The following EHBP1 variants were observed in gnomAD, a reference collection of about 807,000 sequenced individuals.
EHBP1 encodes the protein EH domain-binding protein 1.
In EHBP1, 55 loss-of-function variants were observed where a neutral mutation model predicts 144.0. The ratio of observed to expected loss-of-function variants is 0.38; its 90% CI spans 0.31 to 0.48. EHBP1 has a LOEUF of 0.48. Ranked by LOEUF, EHBP1 falls within the 20% of genes least tolerant of loss-of-function variation. The probability of loss-of-function intolerance (pLI) is 0.98; values close to 1 mark genes in which losing one functional copy is unlikely to be tolerated. For synonymous variants in EHBP1, 469 were observed against 472.7 expected (o/e 0.99, Z 0.10); for missense variants, 1,200 against 1,364.2 (o/e 0.88, Z 1.90).
chr2:62,822,658 A>G (rs1210152740), intron 5 of EHBP1, among the ~76,000 whole-genome samples: 1 of 152,190 alleles, frequency 6.6e-6, no homozygotes. Flanking sequence ...AAGTGGCTGT[A>G]TCAGTTGAAA....
intron 5 of EHBP1, among the ~76,000 whole-genome samples, chr2:62,792,049 C>G (rs763230725): frequency 6.6e-6 from 1 of 151,994 alleles, no homozygotes; most frequent in Non-Finnish European, 1.5e-5. Context: ...TCTTGCCATC[C>G]AGATACAACA....
At chr2:62,797,306 A>G (rs2043609582) in intron 5 of EHBP1, among the ~76,000 whole-genome samples, 2 of 152,224 alleles carry the variant, frequency 1.3e-5, no homozygotes, top group Non-Finnish European at 2.9e-5. Flanking sequence ...GCCACACTAG[A>G]CACATCCCAG....
intron 3 of EHBP1, among the ~76,000 whole-genome samples, chr2:62,751,941 G>C (rs901033725): frequency 2.6e-5 from 4 of 151,944 alleles, no homozygotes; most frequent in African/African-American, 7.3e-5. Context: ...CCAGCTCCTG[G>C]ATTCATTTTT....
chr2:62,907,718 AC>A (rs919263120), intron 10 of EHBP1, among the ~76,000 whole-genome samples: 1 of 152,210 alleles, frequency 6.6e-6, no homozygotes, highest in African/African-American at 2.4e-5. Context: ...GTTTCAACTT[AC>A]GAATTTTAGG....
intron 2 of EHBP1, among the ~76,000 whole-genome samples, chr2:62,740,823 A>G (rs1307721106): frequency 6.6e-6 from 1 of 152,114 alleles, no homozygotes; most frequent in Non-Finnish European, 1.5e-5. Flanking sequence ...TTTTTGACAT[A>G]GTGATTTCCT....
chr2:63,037,906 G>A (rs921273657), intron 20 of EHBP1, among the ~76,000 whole-genome samples: 7 of 152,028 alleles, frequency 4.6e-5, no homozygotes, highest in Non-Finnish European at 5.9e-5. Context: ...CTTATACAAG[G>A]AAAGGAAGTT....
chr2:62,868,881 G>A (rs972308085), intron 9 of EHBP1, among the ~76,000 whole-genome samples: 2 of 152,008 alleles, frequency 1.3e-5, no homozygotes, highest in African/African-American at 4.8e-5. Context: ...TTGAGCCCAG[G>A]GTTTCAAGGC....
chr2:62,927,551 A>G lies in EHBP1; in HGVS notation c.1186-15167A>G, dbSNP rs1351032979. Among the ~76,000 whole-genome samples the G allele has an allele frequency of 2.0e-5, 3 of 152,192 alleles. No individual in the cohort carries two copies. The East Asian group carries it at 5.8e-4, about 29-fold the overall frequency. On this transcript the variant is annotated intron_variant, in intron 10 of 22. Transcript: ENST00000431489. Reference sequence around the variant, plus strand: ...ATTATATATTAAGAAAATTTTCAATACATCAAGAAGATATAACAGTTAAAA... The same window carrying G: ...ATTATATATTAAGAAAATTTTCAATGCATCAAGAAGATATAACAGTTAAAA...
chr2:62,836,815 G>A (rs1156821900), intron 7 of EHBP1, among the ~76,000 whole-genome samples: 1 of 150,946 alleles, frequency 6.6e-6, no homozygotes, highest in African/African-American at 2.4e-5. Flanking sequence ...AATGAGCAAA[G>A]CCTCCAAGAA....
At chr2:62,753,320 A>G (rs1265630176) in intron 3 of EHBP1, among the ~76,000 whole-genome samples, 1 of 152,118 alleles carries the variant, frequency 6.6e-6, no homozygotes, top group East Asian at 1.9e-4. Flanking sequence ...AAGAATGTTG[A>G]ATATTGGCCC....
chr2:62,729,744 A>T (rs2037324374), intron 2 of EHBP1, among the ~76,000 whole-genome samples: 1 of 151,212 alleles, frequency 6.6e-6, no homozygotes, highest in Admixed American at 6.6e-5. Context: ...AAAGGTAAAC[A>T]CATATGTGGT....
chr2:62,746,401 T>C (rs1228419436), intron 2 of EHBP1, among the ~76,000 whole-genome samples: 1 of 152,012 alleles, frequency 6.6e-6, no homozygotes, highest in Non-Finnish European at 1.5e-5. Context: ...TATATATATA[T>C]GTATTTAATT....
intron 3 of EHBP1, among the ~76,000 whole-genome samples, chr2:62,755,413 G>GTT (rs143776661): frequency 1.4e-5 from 2 of 147,864 alleles, no homozygotes; most frequent in East Asian, 2.0e-4. Context: ...ATGAACATTT[G>GTT]TTTTTTTTTT....
At position 62,923,659 on chromosome 2, in the gene EHBP1, C is replaced by G. The variant is rs575432187; in HGVS notation, c.1186-19059C>G. Reference sequence around the variant, plus strand: ...GCCTACACAGCTATGTGCCAGCATCCCAGGCCTGAGAGGCAATCTTAGGAG... The same window carrying G: ...GCCTACACAGCTATGTGCCAGCATCGCAGGCCTGAGAGGCAATCTTAGGAG... On this transcript the variant is annotated intron_variant, in intron 10 of 22. Coordinates refer to ENST00000431489, the MANE Select transcript of EHBP1 (RefSeq NM_001142616.3). Among the ~76,000 whole-genome samples the G allele has an allele frequency of 1.5e-3, 232 of 152,156 alleles. 3 individuals are homozygous for G. In the South Asian group the frequency reaches 0.022, roughly 14 times the overall value.
At chr2:62,734,115 T>C (rs1270901879) in intron 2 of EHBP1, among the ~76,000 whole-genome samples, 1 of 152,212 alleles carries the variant, frequency 6.6e-6, no homozygotes, top group Non-Finnish European at 1.5e-5. Context: ...TCTTTTTGTC[T>C]TTCCTGTACC....
At chr2:62,918,958 G>A (rs2054853181) in intron 10 of EHBP1, among the ~76,000 whole-genome samples, 1 of 152,080 alleles carries the variant, frequency 6.6e-6, no homozygotes, top group Admixed American at 6.6e-5. Flanking sequence ...TTCCAGGAGA[G>A]CCCTTAGATA....
At chr2:62,940,092 G>T in intron 10 of EHBP1, 1 of 434,960 alleles carries the variant, frequency 2.3e-6, no homozygotes, top group South Asian at 1.7e-5. Context: ...AGGACCAGTT[G>T]GGATGCCTAC....
At chr2:62,972,413 C>T (rs1284554048) in intron 14 of EHBP1, among the ~76,000 whole-genome samples, 1 of 152,020 alleles carries the variant, frequency 6.6e-6, no homozygotes, top group African/African-American at 2.4e-5. Context: ...TCTATTCTTT[C>T]AATATTATTG....
At chr2:62,876,853 T>C (rs1387358050) in intron 10 of EHBP1, among the ~76,000 whole-genome samples, 2 of 152,110 alleles carry the variant, frequency 1.3e-5, no homozygotes, top group Non-Finnish European at 2.9e-5. Context: ...TCCTCCAACA[T>C]TGGGAATTAC....
Sources: gnomAD v4.1 joint callset for allele counts (sites outside exome capture counted in the v4.1 genomes callset) on GRCh38, gnomAD v4.1.1 for gene constraint, MANE v1.5 for transcripts, NCBI Gene and HGNC (gene_info 2026-07-23, HGNC 2026-07-21) for gene names.